The following RBFOX1 variants were observed in gnomAD, a reference collection of about 807,000 sequenced individuals.
RBFOX1 encodes RNA binding protein fox-1 homolog 1.
A neutral mutation model predicts 57.7 loss-of-function variants in RBFOX1; 8 were observed. The ratio of observed to expected loss-of-function variants is 0.14; its 90% confidence interval spans 0.08 to 0.25. RBFOX1 has a LOEUF of 0.25. Ranked by LOEUF, RBFOX1 falls within the 10% of genes least tolerant of loss-of-function variation. RBFOX1 has a pLI of 1.00. For synonymous variants in RBFOX1, 326 were observed against 222.4 expected (o/e 1.47, Z -4.15); for missense variants, 611 against 548.5 (o/e 1.11, Z -1.14).
intron 3 of RBFOX1, among the ~76,000 whole-genome samples, chr16:5,791,743 G>T (rs1248012355): frequency 3.3e-5 from 5 of 152,202 alleles, no homozygotes; most frequent in Admixed American, 3.3e-4. Context: ...TCACATGTTG[G>T]ACATCATGTA....
intron 3 of RBFOX1, among the ~76,000 whole-genome samples, chr16:6,728,457 C>T (rs1392165601): frequency 6.6e-6 from 1 of 152,152 alleles, no homozygotes; most frequent in African/African-American, 2.4e-5. Context: ...TTGTTCATCT[C>T]TATGAAGTAA....
At chr16:6,238,996 T>G (rs1430142773) in intron 1 of RBFOX1, among the ~76,000 whole-genome samples, 1 of 152,180 alleles carries the variant, frequency 6.6e-6, no homozygotes, top group Non-Finnish European at 1.5e-5. Context: ...GTCTTATTCA[T>G]TCTTTCTTAC....
At chr16:6,980,229 C>T (rs749431124) in intron 3 of RBFOX1, among the ~76,000 whole-genome samples, 3 of 152,058 alleles carry the variant, frequency 2.0e-5, no homozygotes, top group South Asian at 2.1e-4. Context: ...GAAAAATTAC[C>T]GCAAAATTTT....
At chr16:7,371,987 A>G (rs1224909781) in intron 4 of RBFOX1, among the ~76,000 whole-genome samples, 1 of 151,938 alleles carries the variant, frequency 6.6e-6, no homozygotes, top group Non-Finnish European at 1.5e-5. Context: ...CATTATAAAC[A>G]TTACTGCTAC....
chr16:7,581,258 C>T (rs142993400), intron 6 of RBFOX1, among the ~76,000 whole-genome samples: 5 of 152,262 alleles, frequency 3.3e-5, no homozygotes, highest in East Asian at 1.9e-4. Flanking sequence ...CCAACTCCTG[C>T]AGAACAGAGA....
At chr16:5,797,618 T>C (rs1420718259) in intron 3 of RBFOX1, among the ~76,000 whole-genome samples, 7 of 152,226 alleles carry the variant, frequency 4.6e-5, no homozygotes, top group Non-Finnish European at 1.0e-4. Context: ...TTAAGTGTTA[T>C]TTGCTTGAAA....
At chr16:7,253,406 A>G (rs1007782789) in intron 4 of RBFOX1, among the ~76,000 whole-genome samples, 1 of 152,162 alleles carries the variant, frequency 6.6e-6, no homozygotes. Context: ...CTCCGGCTTG[A>G]CAACCCCTCA....
intron 2 of RBFOX1, among the ~76,000 whole-genome samples, chr16:5,541,855 A>C (rs2044967357): frequency 1.3e-5 from 2 of 152,180 alleles, no homozygotes; most frequent in Non-Finnish European, 2.9e-5. Flanking sequence ...TGTTCTACGG[A>C]AAGCATTGCC....
At chr16:6,887,358 C>G (rs1289651417) in intron 3 of RBFOX1, among the ~76,000 whole-genome samples, 2 of 152,074 alleles carry the variant, frequency 1.3e-5, no homozygotes, top group East Asian at 3.9e-4. Flanking sequence ...GAGAAGTTGA[C>G]AGTTCTCCCT....
rs4787059 is a variant in RBFOX1 at position 7,681,711 on chromosome 16, A to G, written c.995+4873A>G. Among the ~76,000 whole-genome samples the G allele has an allele frequency of 3.3e-5, 5 of 151,824 alleles. No individual in the cohort carries two copies. In the South Asian group the frequency reaches 1.0e-3, roughly 31 times the overall value. On this transcript the variant is annotated intron_variant, in intron 14 of 15. Coordinates refer to ENST00000550418, the MANE Select transcript of RBFOX1 (RefSeq NM_018723.4). ...GAAGATGTTGTATTTTATGGACATTATGTTTTCATTTTTTTTTTCCCATGG... is the reference window on the plus strand; with the variant it reads ...GAAGATGTTGTATTTTATGGACATTGTGTTTTCATTTTTTTTTTCCCATGG...
chr16:5,592,333 G>T (rs2047035133), intron 2 of RBFOX1, among the ~76,000 whole-genome samples: 2 of 151,756 alleles, frequency 1.3e-5, no homozygotes, highest in South Asian at 2.1e-4. Flanking sequence ...TATATGCGCA[G>T]AATTTTAAAT....
chr16:6,343,557 T>C (rs2084893398), intron 2 of RBFOX1, among the ~76,000 whole-genome samples: 1 of 152,202 alleles, frequency 6.6e-6, no homozygotes, highest in South Asian at 2.1e-4. Flanking sequence ...TTTCATTTCT[T>C]ATGGATTATC....
At chr16:6,094,711 A>T (rs942757081) in intron 1 of RBFOX1, among the ~76,000 whole-genome samples, 1 of 152,214 alleles carries the variant, frequency 6.6e-6, no homozygotes, top group Non-Finnish European at 1.5e-5. Context: ...TCATCTGCAC[A>T]TTGGAAATAA....
At chr16:5,254,111 A>G (rs1255271044) in intron 1 of RBFOX1, among the ~76,000 whole-genome samples, 1 of 152,192 alleles carries the variant, frequency 6.6e-6, no homozygotes, top group African/African-American at 2.4e-5. Flanking sequence ...AGTGTTTAGT[A>G]TATGCTCACC....
intron 1 of RBFOX1, among the ~76,000 whole-genome samples, chr16:5,372,070 G>A (rs1419604419): frequency 6.6e-6 from 1 of 152,210 alleles, no homozygotes; most frequent in African/African-American, 2.4e-5. Context: ...GTCCATGCCG[G>A]CTTCAGATAT....
Position 6,806,805 on chromosome 16 carries a change from A to AATAAATATATAAATATATAAATAT in RBFOX1, c.-16+152174_-16+152175insAATATATAAATATATAAATATATA, listed in dbSNP as rs1555488516. Reference sequence around the variant, plus strand: ...TCTTTCCTTTTCATTTATATATATAAATAAATATATAAATATATATATATA... The same window carrying AATAAATATATAAATATATAAATAT: ...TCTTTCCTTTTCATTTATATATATAAATAAATATATAAATATATAAATATATAAATATATAAATATATATATATA... On this transcript the variant is annotated intron_variant, in intron 3 of 15. Transcript: ENST00000550418. Among the ~76,000 whole-genome samples the AATAAATATATAAATATATAAATAT allele has an allele frequency of 7.5e-4, 83 of 110,206 alleles. 1 individual carries two copies. The highest frequency in any genetic ancestry group is 3.9e-3 in the South Asian group (13 of 3,354). The allele number at this position is 110,206 out of a possible 152,430, so 72.3% of individuals were successfully genotyped here. A position where few individuals can be genotyped will look rare whatever the true frequency, so the allele number is the denominator to read the frequency against.
chr16:7,075,489 T>C (rs2094055464), intron 4 of RBFOX1, among the ~76,000 whole-genome samples: 1 of 152,254 alleles, frequency 6.6e-6, no homozygotes, highest in African/African-American at 2.4e-5. Flanking sequence ...ATCTAGATTT[T>C]TTTTGGCTTC....
chr16:5,357,399 G>A (rs2065420557), intron 1 of RBFOX1, among the ~76,000 whole-genome samples: 1 of 152,202 alleles, frequency 6.6e-6, no homozygotes, highest in Admixed American at 6.5e-5. Context: ...GCAGAGGATA[G>A]CCATGGTTTC....
At chr16:5,306,431 T>C (rs1234126642) in intron 1 of RBFOX1, among the ~76,000 whole-genome samples, 2 of 151,968 alleles carry the variant, frequency 1.3e-5, no homozygotes, top group African/African-American at 4.8e-5. Flanking sequence ...GTGATTCTCC[T>C]GCCTCAGCCT....
Sources: allele counts gnomAD v4.1 joint callset (sites outside exome capture counted in the v4.1 genomes callset), GRCh38; gene constraint gnomAD v4.1.1; transcripts MANE v1.5; gene names NCBI Gene and HGNC (gene_info 2026-07-23, HGNC 2026-07-21).